The following FSTL1 variants were observed in gnomAD, a reference collection of about 807,000 sequenced individuals.
The protein encoded by FSTL1 is follistatin like 1, also known as follistatin-related protein 1.
FSTL1 carries 24 observed loss-of-function variants against 45.9 expected under a neutral mutation model. The ratio of observed to expected loss-of-function variants is 0.52; its 90% CI spans 0.38 to 0.74. The LOEUF (loss-of-function observed/expected upper bound fraction) is 0.74. Among genes scored for constraint, FSTL1 ranks in the 30% least tolerant of loss-of-function variants. The pLI is 0.00. For synonymous variants in FSTL1, 120 were observed against 137.6 expected, an observed-to-expected ratio of 0.87 and a Z score of 0.89; for missense variants, 340 against 381.8, an observed-to-expected ratio of 0.89 and a Z score of 0.91.
chr3:120,413,106 A>G (rs1937104746), intron 3 of FSTL1, among the ~76,000 whole-genome samples: 1 of 152,176 alleles, frequency 6.6e-6, no homozygotes, highest in Non-Finnish European at 1.5e-5. Flanking sequence ...AGGCAAGTTC[A>G]GTTTCTTTGG....
chr3:120,448,038 T>G (rs975582894), intron 2 of FSTL1, among the ~76,000 whole-genome samples: 1 of 152,220 alleles, frequency 6.6e-6, no homozygotes, highest in Non-Finnish European at 1.5e-5. Flanking sequence ...AATCACCTTT[T>G]CCCAAGTGGA....
intron 2 of FSTL1, among the ~76,000 whole-genome samples, chr3:120,417,643 G>A (rs1294723185): frequency 6.6e-6 from 1 of 152,152 alleles, no homozygotes; most frequent in East Asian, 1.9e-4. Flanking sequence ...TCCAGGCAGG[G>A]CCCTCTTGTG....
intron 2 of FSTL1, among the ~76,000 whole-genome samples, chr3:120,432,157 T>C (rs1733296): frequency 0.57 from 87,352 of 152,140 alleles, 28,509 homozygotes; most frequent in East Asian, 0.75. Flanking sequence ...GATATATCTT[T>C]TCAAAACCTT....
chr3:120,414,087 A>G (rs1467851743), intron 3 of FSTL1, among the ~76,000 whole-genome samples: 1 of 151,816 alleles, frequency 6.6e-6, no homozygotes, highest in East Asian at 2.0e-4. Flanking sequence ...TCAGTGCTCA[A>G]TGGTGCCCAG....
At chr3:120,412,836 GCGCA>G (rs1278224926) in intron 3 of FSTL1, among the ~76,000 whole-genome samples, 1,616 of 72,662 alleles carry the variant, frequency 0.022, 17 homozygotes, top group African/African-American at 0.06. Flanking sequence ...GCGCGCGCGC[GCGCA>G]CACACACACA....
At position 120,442,509 on chromosome 3, in the gene FSTL1, G is replaced by A. The variant is rs974781015; in HGVS notation, c.63+8175C>T. On this transcript the variant is annotated intron_variant, in intron 2 of 10. Coordinates refer to ENST00000295633, the MANE Select transcript of FSTL1 (RefSeq NM_007085.5). ...AAAAGACAGAGTTAGGCCTGGCATC[G>A]TGGCTCACGCCTCTAATCCCAGCAC... is the stretch of plus-strand genomic sequence containing the variant. Among the ~76,000 whole-genome samples, 5 of 152,170 alleles carry A rather than the reference G, an allele frequency of 3.3e-5. 1 individual carries two copies. The South Asian group carries it at 6.2e-4, about 19-fold the overall frequency.
At chr3:120,413,629 C>A (rs565350333) in intron 3 of FSTL1, among the ~76,000 whole-genome samples, 1 of 152,016 alleles carries the variant, frequency 6.6e-6, no homozygotes, top group South Asian at 2.1e-4. Context: ...TGCAGAAAGA[C>A]GTGTTTCCAG....
Position 120,394,036 on chromosome 3 carries a change from G to C in FSTL1, c.*2916C>G, listed in dbSNP as rs1289499612. 1 of 152,188 alleles carries C rather than the reference G, an allele frequency of 6.6e-6. No homozygotes were observed. The highest frequency in any genetic ancestry group is 1.5e-5 in the Non-Finnish European group (1 of 68,040). The allele number at this position is 152,188 out of a possible 1,614,324, so 9.4% of individuals were successfully genotyped here. A position where few individuals can be genotyped will look rare whatever the true frequency, so the allele number is the denominator to read the frequency against. Reference sequence around the variant, plus strand: ...AGGCATTTTGTTATAGCAACTTGAAGGGACTAAGACACTTTCTGACTTGTC... The same window carrying C: ...AGGCATTTTGTTATAGCAACTTGAACGGACTAAGACACTTTCTGACTTGTC... On this transcript the variant is annotated 3_prime_UTR_variant, in exon 11 of 11. Transcript: ENST00000295633.
chr3:120,416,073 C>G lies in FSTL1; in HGVS notation c.64-46G>C, dbSNP rs751158029. 7 of 1,316,038 alleles carry G rather than the reference C, an allele frequency of 5.3e-6. 1 individual carries two copies. The South Asian group carries it at 8.2e-5, about 15-fold the overall frequency. 81.5% of individuals were successfully genotyped at this position (1,316,038 alleles called of 1,614,324 possible). A position where few individuals can be genotyped will look rare whatever the true frequency, so the allele number is the denominator to read the frequency against. ...GGAAACCGTGTGACTGAGATGAACC[C>G]ATTATGGAATGAGCCCATAATGAGA... On this transcript the variant is annotated intron_variant, in intron 2 of 10. Transcript: ENST00000295633.
intron 8 of FSTL1, 134 bp from the exon 9 acceptor site, chr3:120,403,052 A>G: frequency 1.4e-6 from 1 of 731,992 alleles, no homozygotes. Flanking sequence ...TATCTGAGCA[A>G]ACACTACCAT....
At chr3:120,412,664 A>G (rs1412344796) in intron 3 of FSTL1, among the ~76,000 whole-genome samples, 2 of 152,186 alleles carry the variant, frequency 1.3e-5, no homozygotes, top group Non-Finnish European at 1.5e-5. Context: ...AAAAGCCAGA[A>G]ATTTGAATTC....
chr3:120,411,069 A>G (rs1937041706), intron 4 of FSTL1, 85 bp from the exon 5 acceptor site: 2 of 876,250 alleles, frequency 2.3e-6, no homozygotes, highest in African/African-American at 1.7e-5. Context: ...CAGCTGCTCT[A>G]CATGTAGGGG....
intron 7 of FSTL1, 99 bp downstream of exon 7, chr3:120,404,754 C>T (rs369629979): frequency 5.5e-6 from 4 of 733,406 alleles, no homozygotes; most frequent in Non-Finnish European, 7.6e-6. Flanking sequence ...GTGACATTCT[C>T]TCACTGGTGG....
intron 2 of FSTL1, among the ~76,000 whole-genome samples, chr3:120,416,327 C>A (rs1379307879): frequency 6.6e-6 from 1 of 152,104 alleles, no homozygotes; most frequent in Admixed American, 6.5e-5. Flanking sequence ...TTGTTGAGCA[C>A]CAATTTTATG....
intron 10 of FSTL1, among the ~76,000 whole-genome samples, 193 bp from the exon 11 acceptor site, chr3:120,397,189 C>T (rs1010431603): frequency 1.3e-5 from 2 of 152,162 alleles, no homozygotes; most frequent in African/African-American, 4.8e-5. Context: ...CATGGTCATG[C>T]AGGGGCTGTT....
At chr3:120,443,716 G>A (rs544054150) in intron 2 of FSTL1, among the ~76,000 whole-genome samples, 62 of 149,894 alleles carry the variant, frequency 4.1e-4, no homozygotes, top group Non-Finnish European at 7.9e-4. Context: ...AGCTTAGTTG[G>A]TCACAAATGG....
rs951758278 is a variant in FSTL1, at chr3:120,395,968, T to G, written c.*984A>C. On this transcript the variant is annotated 3_prime_UTR_variant, in exon 11 of 11. Coordinates refer to ENST00000295633, the MANE Select transcript of FSTL1 (RefSeq NM_007085.5). ...GAATAAATAAAAACAAATTAATGTT[T>G]GGATCTTGAAAGTTTTTTATGAAGA... 2 of 293,444 alleles carry G rather than the reference T, an allele frequency of 6.8e-6. No individual in the cohort carries two copies. Among genetic ancestry groups the G allele is most frequent in the Non-Finnish European group, 1.3e-5 (2 of 153,652 alleles). The allele number at this position is 293,444 out of a possible 1,614,324, so 18.2% of individuals were successfully genotyped here.
rs541153658 is a variant in FSTL1, at chr3:120,405,295, C to T, written c.463-324G>A. On this transcript the variant is annotated intron_variant, in intron 6 of 10. Transcript: ENST00000295633. ...GACTATACCTTTGGGTTCAGACCAA[C>T]CTGCACATCATGTTCTCAAGCCCTG... Among the ~76,000 whole-genome samples the T allele has an allele frequency of 3.9e-5, 6 of 152,330 alleles. No individual in the cohort carries two copies. The South Asian group carries it at 1.2e-3, about 32-fold the overall frequency.
chr3:120,404,939 G>A lies in FSTL1; in HGVS notation c.495C>T (p.Ser165=). 3 of 1,600,352 alleles carry A rather than the reference G, an allele frequency of 1.9e-6. No individual in the cohort carries two copies. Among genetic ancestry groups the A allele is most frequent in the East Asian group, 2.2e-5 (1 of 44,834 alleles). ...NFDNGDSRLD[S]SEFLKFVEQN... is the part of the protein sequence containing the mutation. The stretch of plus-strand genomic sequence containing the variant: ...GTTCCACAAACTTCAGGAATTCACT[G>A]GAGTCCAGGCGAGAATCACCATTAT... Residue 165 remains serine (S), a synonymous_variant, in exon 7 of 11, where the codon TCC becomes TCT. Transcript: ENST00000295633.
Sources: gnomAD v4.1 joint callset for allele counts (sites outside exome capture counted in the v4.1 genomes callset) on GRCh38, gnomAD v4.1.1 for gene constraint, MANE v1.5 for transcripts, NCBI Gene and HGNC (gene_info 2026-07-23, HGNC 2026-07-21) for gene names.